Variants in ERC2 observed in about 807,000 individuals in gnomAD.
The protein encoded by ERC2 is ERC protein 2.
Under a neutral mutation model 114.8 loss-of-function variants are expected in ERC2, and 42 were observed. That is an observed-to-expected ratio of 0.37 (90% CI 0.29 to 0.47). The LOEUF (loss-of-function observed/expected upper bound fraction) is 0.47. ERC2 is among the 20% of genes least tolerant of loss of function. The probability of loss-of-function intolerance (pLI) is 0.99; values close to 1 mark genes in which losing one functional copy is unlikely to be tolerated. For missense variants in ERC2, 939 were observed against 1,150.7 expected, an observed-to-expected ratio of 0.82 and a Z score of 2.66; for synonymous variants, 454 against 425.5, an observed-to-expected ratio of 1.07 and a Z score of -0.82.
intron 14 of ERC2, among the ~76,000 whole-genome samples, chr3:55,828,386 AG>A (rs2060420823): frequency 6.6e-6 from 1 of 151,682 alleles, no homozygotes; most frequent in African/African-American, 2.4e-5. Context: ...AGGTCCAAAG[AG>A]TAGGGGAGAA....
chr3:55,554,696 G>C (rs2055472655), intron 17 of ERC2, among the ~76,000 whole-genome samples: 1 of 152,136 alleles, frequency 6.6e-6, no homozygotes, highest in African/African-American at 2.4e-5. Flanking sequence ...GCTTCCCAGG[G>C]GGCTGGGTTC....
intron 6 of ERC2, among the ~76,000 whole-genome samples, chr3:56,082,720 G>C (rs559028681): frequency 6.6e-6 from 1 of 152,150 alleles, no homozygotes; most frequent in Non-Finnish European, 1.5e-5. Context: ...AGATCATATG[G>C]AACAGGGGTC....
chr3:56,188,331 G>C (rs1575744546), intron 3 of ERC2, among the ~76,000 whole-genome samples: 1 of 152,280 alleles, frequency 6.6e-6, no homozygotes, highest in Non-Finnish European at 1.5e-5. Flanking sequence ...AGTACGTGGA[G>C]AAGGCGTGGG....
chr3:56,379,194 T>C (rs763339967), intron 2 of ERC2, among the ~76,000 whole-genome samples: 1 of 152,158 alleles, frequency 6.6e-6, no homozygotes, highest in Non-Finnish European at 1.5e-5. Flanking sequence ...GAGTATTGAG[T>C]ATACCATATT....
At chr3:56,334,883 C>T (rs926072458) in intron 2 of ERC2, among the ~76,000 whole-genome samples, 1 of 152,236 alleles carries the variant, frequency 6.6e-6, no homozygotes, top group African/African-American at 2.4e-5. Flanking sequence ...CGGCTCACTG[C>T]AGCCTCTGCC....
At chr3:55,583,017 C>CA (rs1214749958) in intron 17 of ERC2, among the ~76,000 whole-genome samples, 1 of 152,134 alleles carries the variant, frequency 6.6e-6, no homozygotes, top group East Asian at 1.9e-4. Context: ...AGGTTTATTG[C>CA]AAAAATATTG....
At chr3:56,150,870 T>C (rs2081377523) in intron 4 of ERC2, among the ~76,000 whole-genome samples, 1 of 151,948 alleles carries the variant, frequency 6.6e-6, no homozygotes, top group Admixed American at 6.6e-5. Context: ...GGGCCTTTGG[T>C]GGGTAATTAG....
chr3:56,286,414 C>CAAAAA (rs778645110), intron 3 of ERC2, among the ~76,000 whole-genome samples: 11 of 30,280 alleles, frequency 3.6e-4, no homozygotes, highest in South Asian at 2.2e-3. Flanking sequence ...AACTCCATCT[C>CAAAAA]AAAAAAAAAA....
At chr3:55,820,759 G>T (rs569404838) in intron 14 of ERC2, among the ~76,000 whole-genome samples, 4 of 152,324 alleles carry the variant, frequency 2.6e-5, no homozygotes, top group African/African-American at 9.6e-5. Context: ...GATGGAATCA[G>T]GGAGTTGAGG....
At chr3:55,746,559 G>C (rs2066321029) in intron 14 of ERC2, among the ~76,000 whole-genome samples, 1 of 152,156 alleles carries the variant, frequency 6.6e-6, no homozygotes, top group Non-Finnish European at 1.5e-5. Flanking sequence ...GATCTTTGTA[G>C]AGAGAAAAAC....
chr3:55,534,278 C>T (rs2053850738), intron 17 of ERC2, among the ~76,000 whole-genome samples: 3 of 151,828 alleles, frequency 2.0e-5, no homozygotes. Context: ...AATAAATTAG[C>T]CTTAGCCAGG....
intron 14 of ERC2, among the ~76,000 whole-genome samples, chr3:55,764,230 C>A (rs992372826): frequency 6.6e-6 from 1 of 152,216 alleles, no homozygotes; most frequent in African/African-American, 2.4e-5. Flanking sequence ...TAAATTATTT[C>A]TCTGCAACAG....
chr3:55,870,262 A>G (rs1380056287), intron 14 of ERC2, among the ~76,000 whole-genome samples: 2 of 151,968 alleles, frequency 1.3e-5, no homozygotes, highest in East Asian at 3.9e-4. Flanking sequence ...TTTAGTAGAG[A>G]TGGGGTTTCA....
intron 4 of ERC2, among the ~76,000 whole-genome samples, chr3:56,157,802 A>G (rs1187561277): frequency 4.6e-5 from 7 of 151,884 alleles, no homozygotes; most frequent in African/African-American, 9.7e-5. Flanking sequence ...CAAGTCACCA[A>G]TGTGGCCTGA....
At chr3:55,548,963 T>C (rs2054954440) in intron 17 of ERC2, among the ~76,000 whole-genome samples, 1 of 152,228 alleles carries the variant, frequency 6.6e-6, no homozygotes, top group Admixed American at 6.5e-5. Context: ...TTATGTGAAC[T>C]ACCAAATTCC....
At chr3:55,847,254 AT>A (rs2061406476) in intron 14 of ERC2, among the ~76,000 whole-genome samples, 1 of 152,230 alleles carries the variant, frequency 6.6e-6, no homozygotes, top group Admixed American at 6.5e-5. Flanking sequence ...AGCTTTTCCC[AT>A]TGGACATAAA....
intron 17 of ERC2, chr3:55,607,050 C>T (rs899534679): frequency 5.2e-5 from 8 of 152,494 alleles, no homozygotes; most frequent in African/African-American, 1.7e-4. Context: ...ACAGCACATA[C>T]CACAGTTCCT....
intron 13 of ERC2, among the ~76,000 whole-genome samples, chr3:55,903,896 T>C (rs1338664385): frequency 6.6e-6 from 1 of 152,210 alleles, no homozygotes; most frequent in Non-Finnish European, 1.5e-5. Context: ...AAGTCATGCC[T>C]AGACTCACAC....
chr3:56,137,921 C>T (rs2080608266), intron 6 of ERC2, among the ~76,000 whole-genome samples: 1 of 152,208 alleles, frequency 6.6e-6, no homozygotes, highest in African/African-American at 2.4e-5. Context: ...ATACTATTCA[C>T]TGCTGCCTCC....
Sources: allele counts gnomAD v4.1 joint callset (sites outside exome capture counted in the v4.1 genomes callset), GRCh38; gene constraint gnomAD v4.1.1; transcripts MANE v1.5; gene names NCBI Gene and HGNC (gene_info 2026-07-23, HGNC 2026-07-21).